HHAT: variants seen among roughly 807,000 people sequenced by gnomAD.
HHAT encodes protein-cysteine N-palmitoyltransferase HHAT.
HHAT carries 47 observed loss-of-function variants against 70.8 expected under a neutral mutation model. That is an observed-to-expected ratio of 0.66 (90% CI 0.53 to 0.85). HHAT has a LOEUF of 0.85. HHAT is among the 40% of genes least tolerant of loss of function. The pLI, the probability that HHAT is intolerant of heterozygous loss-of-function variation, is 0.00. For synonymous variants in HHAT, 228 were observed against 247.6 expected (o/e 0.92, Z 0.74); for missense variants, 609 against 604.8 (o/e 1.01, Z -0.07).
chr1:210,508,568 C>T (rs949154729), intron 8 of HHAT, among the ~76,000 whole-genome samples: 14 of 152,182 alleles, frequency 9.2e-5, no homozygotes, highest in Admixed American at 2.0e-4. Flanking sequence ...CCTTTAGCGT[C>T]GTATCAAATA....
At chr1:210,365,297 G>C (rs922509307) in intron 3 of HHAT, among the ~76,000 whole-genome samples, 3 of 142,722 alleles carry the variant, frequency 2.1e-5, no homozygotes, top group Non-Finnish European at 4.5e-5. Flanking sequence ...GTAAACCTCA[G>C]TACTGCTGAC....
chr1:210,596,067 G>A (rs1662926122), intron 10 of HHAT, among the ~76,000 whole-genome samples: 1 of 152,140 alleles, frequency 6.6e-6, no homozygotes, highest in Admixed American at 6.5e-5. Context: ...GAATGGTATT[G>A]CCTAGGTTTT....
At position 210,469,520 on chromosome 1, in the gene HHAT, G is replaced by A. The variant is rs141364143; in HGVS notation, c.1007+4865G>A. ...CTCATCTCACTGGATTGTTGTAAGG[G>A]TTAGGTAAGATCATGTACTAAAGCA... On this transcript the variant is annotated intron_variant, in intron 8 of 11. Coordinates refer to ENST00000261458, the MANE Select transcript of HHAT (RefSeq NM_018194.6). Among the ~76,000 whole-genome samples, 653 of 152,262 alleles carry A rather than the reference G, an allele frequency of 4.3e-3. 2 individuals carry two copies. Among genetic ancestry groups the A allele is most frequent in the Middle Eastern group, 0.017 (5 of 294 alleles).
intron 9 of HHAT, among the ~76,000 whole-genome samples, chr1:210,515,260 C>T (rs2095034528): frequency 6.6e-6 from 1 of 151,542 alleles, no homozygotes; most frequent in Non-Finnish European, 1.5e-5. Context: ...TAGATCTCTT[C>T]CTCTCCCATC....
chr1:210,637,876 G>A (rs1672198908), intron 11 of HHAT, among the ~76,000 whole-genome samples: 1 of 151,222 alleles, frequency 6.6e-6, no homozygotes, highest in Admixed American at 6.6e-5. Context: ...AAAAAAGGGG[G>A]GGGCAAAGGA....
chr1:210,451,620 C>T (rs2093758137), intron 7 of HHAT, among the ~76,000 whole-genome samples: 1 of 152,038 alleles, frequency 6.6e-6, no homozygotes, highest in African/African-American at 2.4e-5. Flanking sequence ...ACCCTGTTAC[C>T]TAGGCTGAGG....
intron 1 of HHAT, among the ~76,000 whole-genome samples, chr1:210,343,772 T>A (rs939401399): frequency 1.7e-4 from 26 of 152,134 alleles, no homozygotes; most frequent in African/African-American, 5.3e-4. Flanking sequence ...GGATGCCAAC[T>A]TCCTGAAAGA....
intron 9 of HHAT, among the ~76,000 whole-genome samples, chr1:210,546,034 A>G (rs2095480428): frequency 6.6e-6 from 1 of 152,214 alleles, no homozygotes. Flanking sequence ...TTTTCATACT[A>G]CAGCTTTTTT....
At chr1:210,342,208 C>T (rs1558313742) in intron 1 of HHAT, among the ~76,000 whole-genome samples, 2 of 152,234 alleles carry the variant, frequency 1.3e-5, no homozygotes, top group East Asian at 3.9e-4. Context: ...TTGGGTCTAC[C>T]ACAGCATCAA....
chr1:210,649,899 A>T (rs1674787158), intron 11 of HHAT, among the ~76,000 whole-genome samples: 1 of 152,248 alleles, frequency 6.6e-6, no homozygotes, highest in Non-Finnish European at 1.5e-5. Flanking sequence ...TTGTGTCTCC[A>T]TACCTGCATA....
chr1:210,635,436 G>A (rs531165525), intron 11 of HHAT, among the ~76,000 whole-genome samples: 12 of 152,292 alleles, frequency 7.9e-5, no homozygotes, highest in African/African-American at 2.2e-4. Flanking sequence ...TTGCAAGAGA[G>A]TGACATGATT....
chr1:210,481,057 TAATA>T (rs907092003), intron 8 of HHAT, among the ~76,000 whole-genome samples: 1 of 151,980 alleles, frequency 6.6e-6, no homozygotes, highest in Non-Finnish European at 1.5e-5. Flanking sequence ...TTAACAAACC[TAATA>T]AATAAGCGAA....
At chr1:210,564,808 A>T (rs1341964598) in intron 9 of HHAT, among the ~76,000 whole-genome samples, 2 of 151,598 alleles carry the variant, frequency 1.3e-5, no homozygotes, top group Non-Finnish European at 2.9e-5. Flanking sequence ...AAGCTGATGG[A>T]ATGGGGAGGG....
At chr1:210,533,609 G>A (rs537969694) in intron 9 of HHAT, among the ~76,000 whole-genome samples, 35 of 152,264 alleles carry the variant, frequency 2.3e-4, no homozygotes, top group African/African-American at 7.2e-4. Flanking sequence ...GATGCATCTT[G>A]CTGGAACAGG....
At chr1:210,449,949 T>C (rs978473805) in intron 7 of HHAT, among the ~76,000 whole-genome samples, 1 of 152,096 alleles carries the variant, frequency 6.6e-6, no homozygotes, top group Non-Finnish European at 1.5e-5. Context: ...CATCCACAGT[T>C]CTGGAATTCG....
chr1:210,348,342 C>T (rs1229367812), intron 1 of HHAT, among the ~76,000 whole-genome samples: 3 of 152,140 alleles, frequency 2.0e-5, no homozygotes, highest in African/African-American at 7.2e-5. Context: ...CTCAAGTGAT[C>T]CTCCCATCTT....
At chr1:210,519,636 G>A (rs1224669704) in intron 9 of HHAT, among the ~76,000 whole-genome samples, 1 of 145,610 alleles carries the variant, frequency 6.9e-6, no homozygotes, top group African/African-American at 2.5e-5. Flanking sequence ...CAAGCAATCC[G>A]CCTACCTTAG....
chr1:210,510,840 G>A (rs1039997811), intron 8 of HHAT, among the ~76,000 whole-genome samples: 1 of 152,002 alleles, frequency 6.6e-6, no homozygotes, highest in Non-Finnish European at 1.5e-5. Flanking sequence ...GCCTTCCTCT[G>A]ACCCCACTAT....
intron 1 of HHAT, among the ~76,000 whole-genome samples, chr1:210,336,287 A>ATTTTTTTTTTTTTTTTTGTTTTTTTTT (rs2085480338): frequency 1.2e-5 from 1 of 84,626 alleles, no homozygotes; most frequent in Non-Finnish European, 2.4e-5. Flanking sequence ...TGCCTGGCTA[A>ATTTTTTTTTTTTTTTTTGTTTTTTTTT]TTTTTTTTTT....
Sources: gnomAD v4.1 joint callset for allele counts (sites outside exome capture counted in the v4.1 genomes callset) on GRCh38, gnomAD v4.1.1 for gene constraint, MANE v1.5 for transcripts, NCBI Gene and HGNC (gene_info 2026-07-23, HGNC 2026-07-21) for gene names.